The following EHF variants were observed in gnomAD, a reference collection of about 807,000 sequenced individuals.
EHF encodes the protein ETS homologous factor, also known as ESE3 transcription factor.
Under a neutral mutation model 45.1 loss-of-function variants are expected in EHF, and 14 were observed. That is an observed-to-expected ratio of 0.31 (90% confidence interval 0.21 to 0.49). EHF has a LOEUF of 0.49. Ranked by LOEUF, EHF falls within the 20% of genes least tolerant of loss-of-function variation. The pLI is 0.99. For missense variants in EHF, 282 were observed against 371.4 expected (o/e 0.76, Z 1.98); for synonymous variants, 136 against 131.8 (o/e 1.03, Z -0.22).
rs1855930715 is a variant in EHF at position 34,659,202 on chromosome 11, A to G, written c.*271A>G. On this transcript the variant is annotated 3_prime_UTR_variant, in exon 9 of 9. Transcript: ENST00000257831. Reference sequence around the variant, plus strand: ...GTGGTTGTGATTTTTTTTCACCTCTATTGTGAATTCTTTTTCACTGCAAGA... The same window carrying G: ...GTGGTTGTGATTTTTTTTCACCTCTGTTGTGAATTCTTTTTCACTGCAAGA... 3.4e-6 allele frequency: 1 copy of G among 292,698 alleles called. No homozygotes were observed. 18.1% of individuals were successfully genotyped at this position (292,698 alleles called of 1,614,324 possible).
chr11:34,621,649 A>T (rs1339794268), intron 1 of EHF, among the ~76,000 whole-genome samples: 1 of 152,124 alleles, frequency 6.6e-6, no homozygotes, highest in Non-Finnish European at 1.5e-5. Flanking sequence ...CTTTCTAGAG[A>T]TGTCTTCTGC....
At chr11:34,645,940 A>C (rs1011291312) in intron 2 of EHF, among the ~76,000 whole-genome samples, 1 of 151,930 alleles carries the variant, frequency 6.6e-6, no homozygotes, top group African/African-American at 2.4e-5. Context: ...AATAATCTGG[A>C]CCACTTTGAG....
intron 1 of EHF, chr11:34,624,299 G>C (rs1157642553): frequency 1.0e-6 from 1 of 985,388 alleles, no homozygotes; most frequent in South Asian, 4.7e-5. Flanking sequence ...CGAACGCGGC[G>C]CTGTGGCTTT....
chr11:34,638,460 G>A (rs1853664907), intron 1 of EHF, among the ~76,000 whole-genome samples: 1 of 152,122 alleles, frequency 6.6e-6, no homozygotes, highest in African/African-American at 2.4e-5. Flanking sequence ...CCTATTCTCC[G>A]GGAGAGGAAA....
At chr11:34,643,245 C>T (rs1410768401) in intron 2 of EHF, among the ~76,000 whole-genome samples, 1 of 152,102 alleles carries the variant, frequency 6.6e-6, no homozygotes, top group Non-Finnish European at 1.5e-5. Context: ...TAGAACACGT[C>T]TATTAGAAGA....
intron 6 of EHF, among the ~76,000 whole-genome samples, chr11:34,654,384 T>C (rs1855481694): frequency 6.6e-6 from 1 of 152,196 alleles, no homozygotes; most frequent in African/African-American, 2.4e-5. Flanking sequence ...AGGACACATA[T>C]TAAAGAGAGG....
chr11:34,644,858 C>T (rs1854357192), intron 2 of EHF, among the ~76,000 whole-genome samples: 1 of 152,222 alleles, frequency 6.6e-6, no homozygotes, highest in Non-Finnish European at 1.5e-5. Context: ...CCTGTTGAAT[C>T]AGAATCGGCA....
intron 1 of EHF, chr11:34,642,323 G>T: frequency 5.0e-6 from 1 of 200,508 alleles, no homozygotes; most frequent in Non-Finnish European, 1.0e-5. Context: ...CTGCTTGGAT[G>T]CCAGCCAGCC....
chr11:34,643,073 T>A (rs1202030287), intron 2 of EHF, among the ~76,000 whole-genome samples: 1 of 149,936 alleles, frequency 6.7e-6, no homozygotes, highest in Non-Finnish European at 1.5e-5. Flanking sequence ...AGGGTATGTG[T>A]GTGTGTGTGT....
rs750762323 is a variant in EHF at position 34,659,094 on chromosome 11, TA to T, written c.*170del. Reference sequence around the variant, plus strand: ...GGGAAGAAGAAACACTACGGTCGATTAAAAAAATTATTTTGTTACTTCGAAG... The same window carrying T: ...GGGAAGAAGAAACACTACGGTCGATTAAAAAATTATTTTGTTACTTCGAAG... On this transcript the variant is annotated 3_prime_UTR_variant, in exon 9 of 9. Coordinates refer to ENST00000257831, the MANE Select transcript of EHF (RefSeq NM_012153.6). 16 of 562,386 alleles carry T rather than the reference TA, an allele frequency of 2.8e-5. No homozygotes were observed. Among genetic ancestry groups the T allele is most frequent in the Non-Finnish European group, 4.3e-5 (14 of 327,630 alleles). The allele number at this position is 562,386 out of a possible 1,614,324, so 34.8% of individuals were successfully genotyped here. A position where few individuals can be genotyped will look rare whatever the true frequency, so the allele number is the denominator to read the frequency against.
chr11:34,655,775 G>T (rs527955655), intron 6 of EHF, among the ~76,000 whole-genome samples: 33 of 152,240 alleles, frequency 2.2e-4, no homozygotes, highest in African/African-American at 7.0e-4. Context: ...GGAGCTAATG[G>T]CTGGCAGTTC....
chr11:34,653,087 C>T (rs1469814952), intron 6 of EHF, among the ~76,000 whole-genome samples: 9 of 152,120 alleles, frequency 5.9e-5, no homozygotes, highest in Admixed American at 5.9e-4. Context: ...GCTGAGGAAA[C>T]CTCCCAAGTC....
At chr11:34,640,052 C>G (rs1268756607) in intron 1 of EHF, among the ~76,000 whole-genome samples, 2 of 150,958 alleles carry the variant, frequency 1.3e-5, no homozygotes, top group Non-Finnish European at 2.9e-5. Flanking sequence ...TTGCCAAGCT[C>G]TCTATGTGCA....
rs971424868 is a variant in EHF at position 34,651,932 on chromosome 11, G to A, written c.544+127G>A. 13 of 907,318 alleles carry A rather than the reference G, an allele frequency of 1.4e-5. No homozygotes were observed. The South Asian group carries it at 2.5e-4, about 17-fold the overall frequency. 56.2% of individuals were successfully genotyped at this position (907,318 alleles called of 1,614,324 possible). ...ATTAAAGGGCTAGGAAAGGGATGGG[G>A]TTACCATTAGACGAGGTTTGCTTTT... On this transcript the variant is annotated intron_variant, in intron 6 of 8. Transcript: ENST00000257831.
At position 34,643,068 on chromosome 11, in the gene EHF, ATGTG is replaced by A. The variant is rs780809590; in HGVS notation, c.97+367_97+370del. Among the ~76,000 whole-genome samples the A allele has an allele frequency of 4.2e-3, 604 of 144,946 alleles. 12 individuals are homozygous for A. The East Asian group carries it at 0.061, about 15-fold the overall frequency. On this transcript the variant is annotated intron_variant, in intron 2 of 8. Coordinates refer to ENST00000257831, the MANE Select transcript of EHF (RefSeq NM_012153.6). ...CAAGATAGGCTAGGAGAGAAAGGGT[ATGTG>A]TGTGTGTGTGTGTGTGTGTGTGTGT...
rs757360271 is a variant in EHF, at chr11:34,658,945, T to C, written c.*14T>C. ...AATGAAAACTGAAGCTGCCAATACT[T>C]TGGACACAAACCAAAACACACACCA... On this transcript the variant is annotated 3_prime_UTR_variant, in exon 9 of 9. Transcript: ENST00000257831. 6 of 1,598,790 alleles carry C rather than the reference T, an allele frequency of 3.8e-6. No homozygotes were observed. Among genetic ancestry groups the C allele is most frequent in the Non-Finnish European group, 5.1e-6 (6 of 1,171,046 alleles).
rs532117870 is a variant in EHF, at chr11:34,658,620, G to A, written c.695G>A (p.Arg232Gln). The change falls in exon 8 of 9, where the codon CGA becomes CAA. Residue 232 changes from arginine to glutamine, a missense_variant. Around this residue, in one of 3 missense-constraint regions of EHF, gnomAD observed 41 missense variants for 87.0 expected, o/e 0.47. Coordinates refer to ENST00000257831, the MANE Select transcript of EHF (RefSeq NM_012153.6). ...KNPGLIKWED[R>Q]SEGVFRFLKS... Reference sequence around the variant, plus strand: ...CCAGGATTAATAAAATGGGAAGACCGATCTGAGGGCGTCTTCAGGTTCTTG... The same window carrying A: ...CCAGGATTAATAAAATGGGAAGACCAATCTGAGGGCGTCTTCAGGTTCTTG... 22 of 1,613,720 alleles carry A rather than the reference G, an allele frequency of 1.4e-5. No homozygotes were observed. The highest frequency in any genetic ancestry group is 1.9e-5 in the Non-Finnish European group (22 of 1,179,756).
rs1372666449 is a variant in EHF at position 34,660,092 on chromosome 11, G to A, written c.*1161G>A. On this transcript the variant is annotated 3_prime_UTR_variant, in exon 9 of 9. Transcript: ENST00000257831. ...TTTAGCTCCTTAGAGTGAAGCAAAA[G>A]CAAGACTTCAACCTCAACCTATCTT... is the stretch of plus-strand genomic sequence containing the variant. 1 of 152,138 alleles carries A rather than the reference G, an allele frequency of 6.6e-6. No homozygotes were observed. Among genetic ancestry groups the A allele is most frequent in the Non-Finnish European group, 1.5e-5 (1 of 68,012 alleles). The allele number at this position is 152,138 out of a possible 1,614,324, so 9.4% of individuals were successfully genotyped here.
At chr11:34,637,110 A>G (rs996683996) in intron 1 of EHF, among the ~76,000 whole-genome samples, 8 of 151,260 alleles carry the variant, frequency 5.3e-5, no homozygotes, top group Non-Finnish European at 1.2e-4. Flanking sequence ...GTGTCCTCTC[A>G]ACTCAGCTTT....
Sources: allele counts gnomAD v4.1 joint callset (sites outside exome capture counted in the v4.1 genomes callset), GRCh38; gene constraint gnomAD v4.1.1; regional missense constraint gnomAD v4.1.1; transcripts MANE v1.5; gene names NCBI Gene and HGNC (gene_info 2026-07-23, HGNC 2026-07-21).